Variants in BAZ2A observed in about 807,000 individuals in gnomAD.
BAZ2A encodes the protein bromodomain adjacent to zinc finger domain protein 2A.
Under a neutral mutation model 199.9 loss-of-function variants are expected in BAZ2A, and 34 were observed. That is an observed-to-expected ratio of 0.17 (90% CI 0.13 to 0.23). BAZ2A has a LOEUF of 0.23. Among genes scored for constraint, BAZ2A ranks in the 10% least tolerant of loss-of-function variants. BAZ2A has a pLI of 1.00. For synonymous variants in BAZ2A, 857 were observed against 883.9 expected, an observed-to-expected ratio of 0.97 and a Z score of 0.54; for missense variants, 2,002 against 2,391.1, an observed-to-expected ratio of 0.84 and a Z score of 3.39.
At chr12:56,626,819 C>T (rs962422626) in intron 1 of BAZ2A, among the ~76,000 whole-genome samples, 7 of 152,170 alleles carry the variant, frequency 4.6e-5, no homozygotes, top group African/African-American at 1.7e-4. Flanking sequence ...CTGTCAAGTG[C>T]CAATTCAGGT....
chr12:56,611,505 T>G, intron 7 of BAZ2A, 68 bp downstream of exon 7: 1 of 1,485,576 alleles, frequency 6.7e-7, no homozygotes, highest in Non-Finnish European at 9.4e-7. Flanking sequence ...AAAGAGGCAT[T>G]CCCTTCTTTC....
chr12:56,630,697 G>T, upstream of BAZ2A: 1 of 867,826 alleles, frequency 1.2e-6, no homozygotes, highest in Non-Finnish European at 1.4e-6. Context: ...TAATGGAAAC[G>T]TGGAAATAGA....
In BAZ2A at chr12:56,611,764, G is replaced by A. The variant is rs201862765; in HGVS notation, c.1609+9C>T. The A allele has an allele frequency of 7.9e-6, 12 of 1,523,046 alleles. No individual in the cohort carries two copies. In the Admixed American group the frequency reaches 9.0e-5, roughly 11 times the overall value. The allele number at this position is 1,523,046 out of a possible 1,614,324, so 94.3% of individuals were successfully genotyped here. On this transcript the variant is annotated intron_variant, in intron 6 of 28. Transcript: ENST00000549884. ...CCAGACAGGGATAGAATAGAATCTG[G>A]ATACTCACCACTACCAGAAGCAGTG...
At chr12:56,614,892 A>C in intron 3 of BAZ2A, 122 bp downstream of exon 3, 1 of 1,049,212 alleles carries the variant, frequency 9.5e-7, no homozygotes, top group Non-Finnish European at 1.4e-6. Flanking sequence ...CTAATCACCA[A>C]CATGCAAATC....
rs750673189 is a variant in BAZ2A, at chr12:56,598,727, T to C, written c.5603A>G (p.Gln1868Arg). 2 of 1,613,540 alleles carry C rather than the reference T, an allele frequency of 1.2e-6. 1 individual carries two copies. The highest frequency in any genetic ancestry group is 2.2e-5 in the South Asian group (2 of 90,952). The change falls in exon 29 of 29, where the codon CAG (glutamine) becomes CGG (arginine). Residue 1868 changes from glutamine to arginine, a missense_variant. Gln to Arg is a conservative substitution (Grantham distance 43). Coordinates refer to ENST00000549884, the MANE Select transcript of BAZ2A (RefSeq NM_001300905.2). ...ADALLVFDNC[Q>R]TFNEDDSEVG... ...TTCAGAGTCATCCTCGTTGAAAGTCTGGCAGTTGTCAAATACCAGGAGGGC... is the reference window on the plus strand; with the variant it reads ...TTCAGAGTCATCCTCGTTGAAAGTCCGGCAGTTGTCAAATACCAGGAGGGC...
Position 56,603,598 on chromosome 12 carries a change from C to T in BAZ2A, c.3141G>A (p.Glu1047=), listed in dbSNP as rs769040238. ...GRRRSSRIME[E]TSGMEEEEEE... Reference sequence around the variant, plus strand: ...CTTCCTCTTCTTCCATGCCACTGGTCTCCTCCATGATCCGAGAACTGCGCC... The same window carrying T: ...CTTCCTCTTCTTCCATGCCACTGGTTTCCTCCATGATCCGAGAACTGCGCC... The change falls in exon 17 of 29, where the codon GAG becomes GAA. Residue 1047 remains glutamate (E), a synonymous_variant. Transcript: ENST00000549884. The T allele has an allele frequency of 6.2e-7, 1 of 1,613,916 alleles. No homozygotes were observed. The highest frequency in any genetic ancestry group is 8.5e-7 in the Non-Finnish European group (1 of 1,179,878).
Position 56,603,520 on chromosome 12 carries a change from C to T in BAZ2A, c.3219G>A (p.Glu1073=). 1 of 1,613,990 alleles carries T rather than the reference C, an allele frequency of 6.2e-7. No homozygotes were observed. Among genetic ancestry groups the T allele is most frequent in the Non-Finnish European group, 8.5e-7 (1 of 1,179,890 alleles). ...VPGRRGRRDG[E]VDATASSIPE... ...ACTTTCCTTGATCTTGGGCCAGTAC[C>T]TCTCCATCTCTTCGACCCCTGCGGC... The change falls in exon 17 of 29, where the codon GAG becomes GAA. Residue 1073 remains glutamate (E), a splice_region_variant and synonymous_variant. Transcript: ENST00000549884.
At chr12:56,609,523 G>A (rs553212930) in intron 10 of BAZ2A, among the ~76,000 whole-genome samples, 44 of 152,166 alleles carry the variant, frequency 2.9e-4, no homozygotes, top group Admixed American at 1.6e-3. Flanking sequence ...AGGTTTCACT[G>A]GTAACAGCAA....
chr12:56,630,195 G>A lies in BAZ2A; in HGVS notation c.-73C>T. ...GGGTACAAGCGGTTCACATGGCCGCGCTCCGGGCGCCAGAACGGGTGGAGA... is the reference window on the plus strand; with the variant it reads ...GGGTACAAGCGGTTCACATGGCCGCACTCCGGGCGCCAGAACGGGTGGAGA... On this transcript the variant is annotated 5_prime_UTR_variant, in exon 1 of 29. Transcript: ENST00000549884. 2.0e-6 allele frequency: 2 copies of A among 985,588 alleles called. No individual in the cohort carries two copies. The highest frequency in any genetic ancestry group is 2.4e-6 in the Non-Finnish European group (2 of 830,024). 61.1% of individuals were successfully genotyped at this position (985,588 alleles called of 1,614,324 possible). A position where few individuals can be genotyped will look rare whatever the true frequency, so the allele number is the denominator to read the frequency against.
chr12:56,620,432 CAG>C (rs1592609626), intron 1 of BAZ2A, among the ~76,000 whole-genome samples: 2 of 152,118 alleles, frequency 1.3e-5, no homozygotes, highest in East Asian at 3.9e-4. Context: ...GCCTGGGAAG[CAG>C]AGATTGCAGT....
chr12:56,599,442 AG>A (rs1886192494), intron 26 of BAZ2A, 84 bp from the exon 27 acceptor site: 4 of 1,453,786 alleles, frequency 2.8e-6, no homozygotes, highest in Non-Finnish European at 3.7e-6. Context: ...ATATGATTTA[AG>A]GCTTCAAAAT....
chr12:56,625,895 A>C (rs200305299), intron 1 of BAZ2A, among the ~76,000 whole-genome samples: 54 of 151,490 alleles, frequency 3.6e-4, no homozygotes, highest in East Asian at 7.7e-4. Flanking sequence ...AAAAAAAAAA[A>C]AACAACAACA....
upstream of BAZ2A, chr12:56,638,196 T>C: frequency 2.6e-6 from 2 of 781,242 alleles, no homozygotes; most frequent in Non-Finnish European, 2.1e-6. Flanking sequence ...GTACATTTTA[T>C]TGGAAACCTT....
chr12:56,601,690 A>G lies in BAZ2A; in HGVS notation c.3927T>C (p.Asp1309=), dbSNP rs769218287. Residue 1309 remains aspartate (D), a synonymous_variant, in exon 20 of 29, where the codon GAT becomes GAC. Transcript: ENST00000549884. ...GAGGATCAGGGCTGGATTCTGCCTC[A>G]TCAGGCTCTGGCTCCTCCGGGGGTT... is the stretch of plus-strand genomic sequence containing the variant. ...PSQPPEEPEP[D]EAESSPDPQA... The G allele has an allele frequency of 1.7e-5, 27 of 1,613,944 alleles. No homozygotes were observed. The East Asian group carries it at 6.0e-4, about 36-fold the overall frequency.
Position 56,611,903 on chromosome 12 carries a change from G to A in BAZ2A, c.1479C>T (p.Ala493=), listed in dbSNP as rs980520726. 29 of 1,609,646 alleles carry A rather than the reference G, an allele frequency of 1.8e-5. No homozygotes were observed. The highest frequency in any genetic ancestry group is 2.4e-5 in the Non-Finnish European group (28 of 1,177,440). Residue 493 remains alanine, a synonymous_variant, in exon 6 of 29, where the codon GCC becomes GCT. Coordinates refer to ENST00000549884, the MANE Select transcript of BAZ2A (RefSeq NM_001300905.2). ...PLTASVTSPK[A]SPVTSPAAAF... is the part of the protein sequence containing the mutation. Reference sequence around the variant, plus strand: ...CAGCTGCTGGGGAAGTTACGGGAGAGGCTTTTGGGGATGTCACTGAAGCCG... The same window carrying A: ...CAGCTGCTGGGGAAGTTACGGGAGAAGCTTTTGGGGATGTCACTGAAGCCG...
At chr12:56,625,867 C>T (rs1485120156) in intron 1 of BAZ2A, among the ~76,000 whole-genome samples, 3 of 135,436 alleles carry the variant, frequency 2.2e-5, no homozygotes, top group Non-Finnish European at 3.1e-5. Context: ...CACAGCGAAA[C>T]TCCGTCTCAA....
chr12:56,628,177 C>CAAAAAAAAAAAAAAAAA (rs57372528), intron 1 of BAZ2A, among the ~76,000 whole-genome samples: 1 of 28,392 alleles, frequency 3.5e-5, no homozygotes, highest in Non-Finnish European at 6.9e-5. Flanking sequence ...AACTCCGTCT[C>CAAAAAAAAAAAAAAAAA]AAAAAAAAAA....
chr12:56,614,236 T>A, intron 3 of BAZ2A, 98 bp from the exon 4 acceptor site: 1 of 1,254,878 alleles, frequency 8.0e-7, no homozygotes, highest in East Asian at 2.3e-5. Flanking sequence ...AGGATGTTCA[T>A]TCATTCAACA....
chr12:56,601,742 G>C lies in BAZ2A; in HGVS notation c.3875C>G (p.Pro1292Arg). The change falls in exon 20 of 29, where the codon CCG (proline) becomes CGG (arginine). Residue 1292 changes from proline (P) to arginine (R), a missense_variant. By Grantham distance (103) the Pro-to-Arg change is moderately radical. Around this residue, in one of 6 missense-constraint regions of BAZ2A, gnomAD observed 1,081 missense variants for 1,274.7 expected, o/e 0.85. Transcript: ENST00000549884. ...TGATGGAGCTGGGTCTAGTTTTCCC[G>C]GACTGCTATCAGGTGTGAGGACTGA... is the stretch of plus-strand genomic sequence containing the variant. ...SSSVLTPDSS[P>R]GKLDPAPSQP... 1.2e-6 allele frequency: 2 copies of C among 1,613,976 alleles called. No individual in the cohort carries two copies. Among genetic ancestry groups the C allele is most frequent in the Non-Finnish European group, 1.7e-6 (2 of 1,179,878 alleles).
Sources: allele counts gnomAD v4.1 joint callset (sites outside exome capture counted in the v4.1 genomes callset), GRCh38; gene constraint gnomAD v4.1.1; regional missense constraint gnomAD v4.1.1; transcripts MANE v1.5; gene names NCBI Gene and HGNC (gene_info 2026-07-23, HGNC 2026-07-21).